PPFIA2: variants seen among roughly 807,000 people sequenced by gnomAD.
The protein encoded by PPFIA2 is PPFI scaffold protein A2.
A neutral mutation model predicts 175.5 loss-of-function variants in PPFIA2; 46 were observed. That is an observed-to-expected ratio of 0.26 (90% confidence interval 0.21 to 0.34). The LOEUF (loss-of-function observed/expected upper bound fraction) is 0.34, where lower values mean the gene tolerates loss of function less well. Ranked by LOEUF, PPFIA2 falls within the 10% of genes least tolerant of loss-of-function variation. The probability of loss-of-function intolerance (pLI) is 1.00; values close to 1 mark genes in which losing one functional copy is unlikely to be tolerated. For synonymous variants in PPFIA2, 568 were observed against 511.4 expected (o/e 1.11, Z -1.49); for missense variants, 1,179 against 1,506.1 (o/e 0.78, Z 3.60).
chr12:81,271,454 G>C (rs143531195), intron 28 of PPFIA2, among the ~76,000 whole-genome samples: 262 of 152,244 alleles, frequency 1.7e-3, no homozygotes, highest in Non-Finnish European at 3.0e-3. Flanking sequence ...ATTTTTGCTA[G>C]AGATGGGGTT....
chr12:81,518,761 C>A (rs1029936131), intron 4 of PPFIA2, among the ~76,000 whole-genome samples: 1 of 152,096 alleles, frequency 6.6e-6, no homozygotes, highest in African/African-American at 2.4e-5. Context: ...TCCACAAGGG[C>A]AAAGACTCTT....
chr12:81,558,590 T>C lies in PPFIA2; in HGVS notation c.304-100724A>G, dbSNP rs140466370. Among the ~76,000 whole-genome samples, 856 of 152,240 alleles carry C rather than the reference T, an allele frequency of 5.6e-3. 8 individuals are homozygous for C. Among genetic ancestry groups the C allele is most frequent in the African/African-American group, 0.019 (801 of 41,548 alleles). Reference sequence around the variant, plus strand: ...CCATCCCAGTGTGATCACAGAGCTGTAGAACAATGCACATCAAAGAAGCCA... The same window carrying C: ...CCATCCCAGTGTGATCACAGAGCTGCAGAACAATGCACATCAAAGAAGCCA... On this transcript the variant is annotated intron_variant, in intron 4 of 32. Transcript: ENST00000549396.
Position 81,335,664 on chromosome 12 carries a change from A to C in PPFIA2, c.2548+3516T>G, listed in dbSNP as rs2056993948. Among the ~76,000 whole-genome samples the C allele has an allele frequency of 2.0e-5, 3 of 151,590 alleles. No homozygotes were observed. The South Asian group carries it at 6.3e-4, about 32-fold the overall frequency. On this transcript the variant is annotated intron_variant, in intron 21 of 32. Transcript: ENST00000549396. The stretch of plus-strand genomic sequence containing the variant: ...GAGGTTGAGGCAGGAGAATCATTTG[A>C]ACTGGGAGGCGGAGGTTGCAGTGAG...
chr12:81,364,742 G>A (rs1229079953), intron 14 of PPFIA2, among the ~76,000 whole-genome samples: 1 of 151,732 alleles, frequency 6.6e-6, no homozygotes, highest in African/African-American at 2.4e-5. Context: ...TAGGGTAAGA[G>A]TGGCTATATT....
intron 7 of PPFIA2, among the ~76,000 whole-genome samples, chr12:81,420,657 T>A (rs1188488341): frequency 2.0e-5 from 3 of 151,856 alleles, no homozygotes; most frequent in African/African-American, 7.3e-5. Context: ...GAAGAAAGCC[T>A]ATCATATCTA....
At chr12:81,320,131 A>T (rs2053332078) in intron 22 of PPFIA2, among the ~76,000 whole-genome samples, 1 of 152,074 alleles carries the variant, frequency 6.6e-6, no homozygotes, top group African/African-American at 2.4e-5. Flanking sequence ...ATACCTTCAC[A>T]TATAAATATT....
intron 4 of PPFIA2, among the ~76,000 whole-genome samples, chr12:81,634,928 C>G (rs2063812968): frequency 6.6e-6 from 1 of 151,062 alleles, no homozygotes; most frequent in Non-Finnish European, 1.5e-5. Context: ...CATAATAGCT[C>G]TAACTTCCAA....
intron 4 of PPFIA2, among the ~76,000 whole-genome samples, chr12:81,649,076 A>G (rs905138540): frequency 6.6e-6 from 1 of 152,104 alleles, no homozygotes; most frequent in African/African-American, 2.4e-5. Context: ...AAATTTCTAT[A>G]TAGGCCTCAA....
rs368100249 is a variant in PPFIA2 at position 81,343,795 on chromosome 12, G to A, written c.2262+869C>T. ...TTGATTTCATTCCAAACAGAAAAGC[G>A]GTGTTTCGAACATATTTTTTTATTT... On this transcript the variant is annotated intron_variant, in intron 19 of 32. Coordinates refer to ENST00000549396, the MANE Select transcript of PPFIA2 (RefSeq NM_003625.5). Among the ~76,000 whole-genome samples the A allele has an allele frequency of 4.6e-5, 7 of 151,930 alleles. No homozygotes were observed. In the East Asian group the frequency reaches 7.8e-4, roughly 17 times the overall value.
At chr12:81,645,295 T>G (rs2065912291) in intron 4 of PPFIA2, among the ~76,000 whole-genome samples, 1 of 152,156 alleles carries the variant, frequency 6.6e-6, no homozygotes, top group Non-Finnish European at 1.5e-5. Flanking sequence ...AATATTATAT[T>G]TCCTGACTGT....
intron 19 of PPFIA2, among the ~76,000 whole-genome samples, chr12:81,343,107 C>T (rs2058434323): frequency 6.6e-6 from 1 of 151,888 alleles, no homozygotes; most frequent in South Asian, 2.1e-4. Flanking sequence ...ATTACATTTC[C>T]TCATCAATAA....
chr12:81,558,230 C>A (rs2069237328), intron 4 of PPFIA2, among the ~76,000 whole-genome samples: 1 of 152,072 alleles, frequency 6.6e-6, no homozygotes, highest in Non-Finnish European at 1.5e-5. Context: ...ATGCCCAATT[C>A]TTCTAGCAAC....
At chr12:81,664,070 TA>T (rs1185550966) in intron 4 of PPFIA2, among the ~76,000 whole-genome samples, 1 of 152,108 alleles carries the variant, frequency 6.6e-6, no homozygotes, top group Non-Finnish European at 1.5e-5. Context: ...ATGTTAGACC[TA>T]AAACCATAAA....
chr12:81,558,502 C>T (rs1468101009), intron 4 of PPFIA2, among the ~76,000 whole-genome samples: 2 of 152,184 alleles, frequency 1.3e-5, no homozygotes, highest in African/African-American at 4.8e-5. Flanking sequence ...CTGGAGAGAA[C>T]ATTCCCGTGC....
intron 8 of PPFIA2, among the ~76,000 whole-genome samples, chr12:81,384,789 T>G (rs760488312): frequency 1.3e-5 from 2 of 152,120 alleles, no homozygotes; most frequent in Non-Finnish European, 2.9e-5. Flanking sequence ...AACAAACATA[T>G]AGTATAGAAA....
chr12:81,479,890 T>A (rs994118782), intron 4 of PPFIA2, among the ~76,000 whole-genome samples: 1 of 152,084 alleles, frequency 6.6e-6, no homozygotes. Context: ...TGTCTTGGGG[T>A]TGCTCTTCTC....
chr12:81,339,483 T>C (rs1280847624), intron 20 of PPFIA2, 149 bp from the exon 21 acceptor site: 7 of 652,054 alleles, frequency 1.1e-5, no homozygotes, highest in Non-Finnish European at 1.5e-5. Context: ...AGATATTAAA[T>C]GCAGTTTTTT....
chr12:81,625,013 A>C (rs2153486829), intron 4 of PPFIA2, among the ~76,000 whole-genome samples: 1 of 152,056 alleles, frequency 6.6e-6, no homozygotes, highest in East Asian at 1.9e-4. Context: ...ATACATTGCT[A>C]AAAATGTATG....
chr12:81,598,949 T>C (rs1466785780), intron 4 of PPFIA2, among the ~76,000 whole-genome samples: 1 of 151,112 alleles, frequency 6.6e-6, no homozygotes, highest in East Asian at 1.9e-4. Context: ...TTCATATACA[T>C]ATATACACAC....
Sources: allele counts gnomAD v4.1 joint callset (sites outside exome capture counted in the v4.1 genomes callset), GRCh38; gene constraint gnomAD v4.1.1; transcripts MANE v1.5; gene names NCBI Gene and HGNC (gene_info 2026-07-23, HGNC 2026-07-21).